Variants in NCAM1 observed in about 807,000 individuals in gnomAD.
The protein encoded by NCAM1 is neural cell adhesion molecule 1.
In NCAM1, 14 loss-of-function variants were observed where a neutral mutation model predicts 109.8. The ratio of observed to expected loss-of-function variants is 0.13; its 90% CI spans 0.08 to 0.20. The LOEUF is 0.20. Ranked by LOEUF, NCAM1 falls within the 10% of genes least tolerant of loss-of-function variation. The pLI is 1.00. For missense variants in NCAM1, 774 were observed against 1,109.9 expected, an observed-to-expected ratio of 0.70 and a Z score of 4.30; for synonymous variants, 418 against 442.9, an observed-to-expected ratio of 0.94 and a Z score of 0.70.
chr11:113,261,931 G>A (rs1035418809), intron 17 of NCAM1, among the ~76,000 whole-genome samples: 1 of 152,188 alleles, frequency 6.6e-6, no homozygotes, highest in Non-Finnish European at 1.5e-5. Flanking sequence ...GTCCTCCAGA[G>A]TTGTGCCTGC....
chr11:113,118,602 G>C (rs1209753632), intron 1 of NCAM1, among the ~76,000 whole-genome samples: 2 of 151,928 alleles, frequency 1.3e-5, no homozygotes, highest in Non-Finnish European at 2.9e-5. Flanking sequence ...TGGTATGCTT[G>C]TGTCATGAAA....
chr11:113,034,811 C>T (rs1952817283), intron 1 of NCAM1, among the ~76,000 whole-genome samples: 1 of 152,186 alleles, frequency 6.6e-6, no homozygotes, highest in Admixed American at 6.5e-5. Context: ...AAACCCCAAA[C>T]CCCAGGGATC....
intron 1 of NCAM1, among the ~76,000 whole-genome samples, chr11:113,198,610 G>A (rs1172901651): frequency 1.3e-5 from 2 of 152,150 alleles, no homozygotes; most frequent in African/African-American, 4.8e-5. Flanking sequence ...CAAAGTGCTA[G>A]GATTACAGGC....
chr11:113,060,453 G>A (rs1245154657), intron 1 of NCAM1, among the ~76,000 whole-genome samples: 1 of 152,052 alleles, frequency 6.6e-6, no homozygotes, highest in African/African-American at 2.4e-5. Flanking sequence ...TAGAAGGTAC[G>A]TGTACATTTC....
At chr11:113,221,218 G>A (rs1944683759) in intron 8 of NCAM1, 78 bp from the exon 9 acceptor site, 8 of 1,418,492 alleles carry the variant, frequency 5.6e-6, no homozygotes, top group Non-Finnish European at 6.8e-6. Context: ...ACGGAATGCA[G>A]TGTGATACAT....
chr11:113,149,299 A>C (rs561028775), intron 1 of NCAM1, among the ~76,000 whole-genome samples: 9 of 152,268 alleles, frequency 5.9e-5, no homozygotes, highest in African/African-American at 1.9e-4. Flanking sequence ...TGATGAGAAC[A>C]ATGACAAGAG....
chr11:113,046,804 G>T (rs1267964742), intron 1 of NCAM1, among the ~76,000 whole-genome samples: 1 of 91,886 alleles, frequency 1.1e-5, no homozygotes, highest in Admixed American at 1.4e-4. Context: ...AGAAAGAAAA[G>T]AGAGAGAGAG....
intron 1 of NCAM1, among the ~76,000 whole-genome samples, chr11:113,061,778 G>C (rs1937657621): frequency 6.6e-6 from 1 of 152,188 alleles, no homozygotes; most frequent in South Asian, 2.1e-4. Context: ...AATTAGTATT[G>C]ATCATGACAG....
intron 1 of NCAM1, among the ~76,000 whole-genome samples, chr11:113,107,369 GTA>G (rs1940218970): frequency 6.6e-6 from 1 of 152,186 alleles, no homozygotes; most frequent in Admixed American, 6.5e-5. Flanking sequence ...GGCTTTTCGA[GTA>G]AGTATTCCAT....
chr11:113,238,838 A>G (rs782593511), intron 14 of NCAM1, among the ~76,000 whole-genome samples: 4 of 152,184 alleles, frequency 2.6e-5, no homozygotes, highest in Non-Finnish European at 5.9e-5. Flanking sequence ...TTATACCCCA[A>G]GCCCCAAGGA....
intron 1 of NCAM1, among the ~76,000 whole-genome samples, chr11:113,023,196 T>C (rs1341846989): frequency 6.6e-6 from 1 of 152,234 alleles, no homozygotes; most frequent in African/African-American, 2.4e-5. Flanking sequence ...GTGTGGGTTA[T>C]CTTTCTCACC....
At chr11:113,023,254 A>G (rs952391110) in intron 1 of NCAM1, among the ~76,000 whole-genome samples, 5 of 152,366 alleles carry the variant, frequency 3.3e-5, no homozygotes, top group Non-Finnish European at 5.9e-5. Context: ...GAATACAAAT[A>G]TTGGGTAGTT....
At position 113,036,423 on chromosome 11, in the gene NCAM1, C is replaced by T. The variant is rs1363814046; in HGVS notation, c.52+74759C>T. On this transcript the variant is annotated intron_variant, in intron 1 of 19. Transcript: ENST00000316851. ...CGCTCCTCTGCTCTCCTCTAGGGTG[C>T]CTCTCCCCCATTCCATTGCCTGAAC... 2.6e-5 allele frequency among the ~76,000 whole-genome samples: 4 copies of T among 151,964 alleles called. 1 individual carries two copies. The highest frequency in any genetic ancestry group is 4.4e-5 in the Non-Finnish European group (3 of 67,974).
intron 1 of NCAM1, among the ~76,000 whole-genome samples, chr11:113,106,743 G>GA (rs1940188946): frequency 6.6e-6 from 1 of 152,200 alleles, no homozygotes; most frequent in African/African-American, 2.4e-5. Flanking sequence ...TTTGTGGCAG[G>GA]AGAAATTATT....
chr11:113,081,183 C>T (rs1591308718), intron 1 of NCAM1, among the ~76,000 whole-genome samples: 2 of 152,344 alleles, frequency 1.3e-5, no homozygotes, highest in South Asian at 2.1e-4. Flanking sequence ...CTGTTTCTCA[C>T]TGGATGACTG....
At chr11:113,125,874 G>A (rs1274358177) in intron 1 of NCAM1, among the ~76,000 whole-genome samples, 2 of 152,018 alleles carry the variant, frequency 1.3e-5, no homozygotes, top group Non-Finnish European at 2.9e-5. Context: ...AATAAAACCT[G>A]GCTGGGTGTG....
At chr11:113,189,328 T>C (rs1448402346) in intron 1 of NCAM1, among the ~76,000 whole-genome samples, 1 of 151,666 alleles carries the variant, frequency 6.6e-6, no homozygotes, top group Non-Finnish European at 1.5e-5. Flanking sequence ...CGTGTGCTTG[T>C]AGTCCCAGCT....
intron 9 of NCAM1, among the ~76,000 whole-genome samples, chr11:113,224,018 C>T (rs141668912): frequency 0.013 from 2,028 of 152,288 alleles, 33 homozygotes; most frequent in African/African-American, 0.039. Flanking sequence ...ACGCAGAAGA[C>T]GGATGATTTC....
chr11:113,247,368 C>T (rs1565527734), intron 15 of NCAM1, among the ~76,000 whole-genome samples: 2 of 152,262 alleles, frequency 1.3e-5, no homozygotes, highest in African/African-American at 2.4e-5. Context: ...CTGGTGTGCC[C>T]GTGCATGCAA....
Sources: allele counts gnomAD v4.1 joint callset (sites outside exome capture counted in the v4.1 genomes callset), GRCh38; gene constraint gnomAD v4.1.1; transcripts MANE v1.5; gene names NCBI Gene and HGNC (gene_info 2026-07-23, HGNC 2026-07-21).